The following EXOC6B variants were observed in gnomAD, a reference collection of about 807,000 sequenced individuals.
EXOC6B encodes SEC15 homolog B.
In EXOC6B, 54 loss-of-function variants were observed where a neutral mutation model predicts 113.5. The ratio of observed to expected loss-of-function variants is 0.48; its 90% CI spans 0.38 to 0.60. EXOC6B has a LOEUF of 0.60. Ranked by LOEUF, EXOC6B falls within the 20% of genes least tolerant of loss-of-function variation. The pLI is 0.00. For synonymous variants in EXOC6B, 357 were observed against 339.0 expected (o/e 1.05, Z -0.58); for missense variants, 797 against 977.5 (o/e 0.82, Z 2.46).
At chr2:72,349,125 G>C (rs2104935509) in intron 19 of EXOC6B, among the ~76,000 whole-genome samples, 1 of 152,296 alleles carries the variant, frequency 6.6e-6, no homozygotes. Context: ...TAAGTTCTCA[G>C]TGCCAGATGT....
chr2:72,815,412 GC>G (rs1686175602), intron 1 of EXOC6B, among the ~76,000 whole-genome samples: 1 of 151,384 alleles, frequency 6.6e-6, no homozygotes, highest in South Asian at 2.1e-4. Context: ...GATCGCTTCA[GC>G]CCAGGAGACG....
intron 6 of EXOC6B, among the ~76,000 whole-genome samples, chr2:72,699,051 T>C (rs1678102377): frequency 6.6e-6 from 1 of 152,210 alleles, no homozygotes; most frequent in Non-Finnish European, 1.5e-5. Context: ...ATGGTAATTT[T>C]TCTAAAAAAG....
intron 20 of EXOC6B, among the ~76,000 whole-genome samples, chr2:72,270,780 T>G (rs1684432697): frequency 1.3e-5 from 2 of 152,190 alleles, no homozygotes; most frequent in South Asian, 4.1e-4. Flanking sequence ...AAATAATAAT[T>G]TATTAATCTT....
intron 20 of EXOC6B, among the ~76,000 whole-genome samples, chr2:72,315,378 T>G (rs1687455173): frequency 6.6e-6 from 1 of 151,806 alleles, no homozygotes; most frequent in Admixed American, 6.6e-5. Flanking sequence ...CTATAGGATC[T>G]TATAGACCAT....
intron 18 of EXOC6B, among the ~76,000 whole-genome samples, chr2:72,459,517 C>T (rs956072254): frequency 3.3e-5 from 5 of 152,134 alleles, no homozygotes; most frequent in African/African-American, 7.2e-5. Flanking sequence ...TCTCAGGATA[C>T]AAAATCAATG....
intron 1 of EXOC6B, among the ~76,000 whole-genome samples, chr2:72,801,686 C>G (rs1021378758): frequency 1.3e-5 from 2 of 152,126 alleles, no homozygotes; most frequent in Admixed American, 6.6e-5. Flanking sequence ...CCTATCAAAA[C>G]CACGATGGAA....
At chr2:72,750,041 AC>A (rs1208869193) in intron 1 of EXOC6B, among the ~76,000 whole-genome samples, 1 of 151,514 alleles carries the variant, frequency 6.6e-6, no homozygotes, top group Non-Finnish European at 1.5e-5. Context: ...ACATATACAT[AC>A]CTCACACACA....
chr2:72,680,622 C>G (rs1182801289), intron 6 of EXOC6B, among the ~76,000 whole-genome samples: 1 of 151,970 alleles, frequency 6.6e-6, no homozygotes, highest in African/African-American at 2.4e-5. Flanking sequence ...ACCTGTAATC[C>G]CTGCTACTTG....
intron 6 of EXOC6B, among the ~76,000 whole-genome samples, chr2:72,660,085 C>T (rs1288002585): frequency 2.0e-5 from 3 of 151,398 alleles, no homozygotes; most frequent in Non-Finnish European, 2.9e-5. Flanking sequence ...TTACATCAAT[C>T]CTCTTTTTTT....
intron 6 of EXOC6B, among the ~76,000 whole-genome samples, chr2:72,606,270 T>A (rs752966688): frequency 2.0e-5 from 3 of 152,192 alleles, no homozygotes; most frequent in Non-Finnish European, 4.4e-5. Flanking sequence ...TTATATTCAA[T>A]GTACTGTTAA....
At chr2:72,642,503 A>C (rs1673334336) in intron 6 of EXOC6B, among the ~76,000 whole-genome samples, 1 of 148,630 alleles carries the variant, frequency 6.7e-6, no homozygotes, top group Non-Finnish European at 1.5e-5. Context: ...GAGAAAAACA[A>C]GCAATGGGGA....
At chr2:72,641,159 C>T (rs72846917) in intron 6 of EXOC6B, among the ~76,000 whole-genome samples, 7,111 of 152,300 alleles carry the variant, frequency 0.047, 254 homozygotes, top group Middle Eastern at 0.11. Context: ...ACAGAGAAGA[C>T]GGTGATTTTT....
intron 20 of EXOC6B, among the ~76,000 whole-genome samples, chr2:72,314,748 G>T (rs749263337): frequency 2.0e-5 from 3 of 152,074 alleles, no homozygotes; most frequent in African/African-American, 7.2e-5. Context: ...TTAATGGTAC[G>T]GTAGCTTGCT....
At chr2:72,439,391 G>A (rs1000173911) in intron 18 of EXOC6B, among the ~76,000 whole-genome samples, 5 of 152,098 alleles carry the variant, frequency 3.3e-5, no homozygotes, top group Non-Finnish European at 4.4e-5. Context: ...AGATTCCCAT[G>A]CTTTTTGGAG....
In EXOC6B at chr2:72,826,003, C is replaced by T; in HGVS notation, c.-93G>A. 1 of 1,512,266 alleles carries T rather than the reference C, an allele frequency of 6.6e-7. No individual in the cohort carries two copies. Among genetic ancestry groups the T allele is most frequent in the South Asian group, 1.2e-5 (1 of 80,558 alleles). 93.7% of individuals were successfully genotyped at this position (1,512,266 alleles called of 1,614,324 possible). ...CCGCTCCCACCACAGGCTCCACAGCCGCCCCAGCCTCTGGCTACCCGCAGG... is the reference window on the plus strand; with the variant it reads ...CCGCTCCCACCACAGGCTCCACAGCTGCCCCAGCCTCTGGCTACCCGCAGG... On this transcript the variant is annotated 5_prime_UTR_variant, in exon 1 of 22. Transcript: ENST00000272427.
At chr2:72,431,485 T>TTCTCTATCTATC (rs766066651) in intron 18 of EXOC6B, among the ~76,000 whole-genome samples, 4 of 133,892 alleles carry the variant, frequency 3.0e-5, no homozygotes, top group African/African-American at 8.7e-5. Flanking sequence ...CTTGATTTCT[T>TTCTCTATCTATC]TATCTATCTA....
chr2:72,455,555 T>C (rs1286754034), intron 18 of EXOC6B, among the ~76,000 whole-genome samples: 1 of 152,070 alleles, frequency 6.6e-6, no homozygotes, highest in Non-Finnish European at 1.5e-5. Context: ...AACAAGGACT[T>C]TGGAGGCAGT....
At chr2:72,640,282 T>C (rs377436846) in intron 6 of EXOC6B, among the ~76,000 whole-genome samples, 10 of 152,186 alleles carry the variant, frequency 6.6e-5, no homozygotes, top group Admixed American at 3.3e-4. Context: ...AGCTTGAAGA[T>C]TGGCTTTCTG....
intron 6 of EXOC6B, among the ~76,000 whole-genome samples, chr2:72,586,499 T>C (rs916075039): frequency 2.6e-5 from 4 of 152,116 alleles, no homozygotes; most frequent in Non-Finnish European, 5.9e-5. Context: ...AAGCCTGTAA[T>C]TCCAGCACTT....
Sources: allele counts gnomAD v4.1 joint callset (sites outside exome capture counted in the v4.1 genomes callset), GRCh38; gene constraint gnomAD v4.1.1; transcripts MANE v1.5; gene names NCBI Gene and HGNC (gene_info 2026-07-23, HGNC 2026-07-21).